Variants in NRXN3 observed in about 807,000 individuals in gnomAD.
NRXN3 encodes neurexin 3, also known as neurexin III.
In NRXN3, 32 loss-of-function variants were observed where a neutral mutation model predicts 137.6. The observed-to-expected ratio is 0.23, with a 90% CI of 0.18 to 0.31. NRXN3 has a LOEUF of 0.31. Among genes scored for constraint, NRXN3 ranks in the 10% least tolerant of loss-of-function variants. The probability of loss-of-function intolerance (pLI) is 1.00; values close to 1 mark genes in which losing one functional copy is unlikely to be tolerated. For missense variants in NRXN3, 1,574 were observed against 2,062.5 expected, an observed-to-expected ratio of 0.76 and a Z score of 4.59; for synonymous variants, 798 against 784.5, an observed-to-expected ratio of 1.02 and a Z score of -0.29.
chr14:79,688,550 C>T (rs2098704213), intron 17 of NRXN3, among the ~76,000 whole-genome samples: 1 of 152,134 alleles, frequency 6.6e-6, no homozygotes, highest in Non-Finnish European at 1.5e-5. Flanking sequence ...AATTTCGAGT[C>T]TCACCTTAAA....
chr14:78,608,894 T>A (rs752508331), intron 4 of NRXN3, among the ~76,000 whole-genome samples: 4 of 152,098 alleles, frequency 2.6e-5, no homozygotes, highest in Non-Finnish European at 5.9e-5. Context: ...TGTTGGGAAG[T>A]GTGAGTAGGA....
At chr14:79,506,594 A>G (rs2096880848) in intron 16 of NRXN3, among the ~76,000 whole-genome samples, 1 of 152,120 alleles carries the variant, frequency 6.6e-6, no homozygotes, top group Non-Finnish European at 1.5e-5. Context: ...CTCCTTTGTC[A>G]TTTTAAATTT....
intron 10 of NRXN3, among the ~76,000 whole-genome samples, chr14:78,931,371 C>T (rs1304116000): frequency 6.6e-6 from 1 of 151,884 alleles, no homozygotes; most frequent in East Asian, 1.9e-4. Flanking sequence ...GTTCTCTGTC[C>T]TTAATGATGA....
intron 15 of NRXN3, among the ~76,000 whole-genome samples, chr14:79,149,198 G>A (rs571909138): frequency 2.0e-5 from 3 of 152,186 alleles, no homozygotes; most frequent in South Asian, 2.1e-4. Context: ...GTGGGGATGC[G>A]AGGGAAGCCA....
At chr14:79,272,938 C>G (rs545525944) in intron 15 of NRXN3, among the ~76,000 whole-genome samples, 260 of 152,066 alleles carry the variant, frequency 1.7e-3, no homozygotes, top group African/African-American at 5.8e-3. Context: ...TTTGGGAGGC[C>G]AAGACGAGCG....
intron 4 of NRXN3, among the ~76,000 whole-genome samples, chr14:78,433,944 T>A (rs60830587): frequency 6.6e-6 from 1 of 151,968 alleles, no homozygotes; most frequent in Admixed American, 6.6e-5. Flanking sequence ...GACAAACCCA[T>A]GGTAAGTTGA....
At chr14:79,683,930 T>C (rs545459655) in intron 17 of NRXN3, among the ~76,000 whole-genome samples, 2 of 152,300 alleles carry the variant, frequency 1.3e-5, no homozygotes, top group Non-Finnish European at 2.9e-5. Context: ...CGTGTTTTAC[T>C]CTGTAGAATC....
intron 8 of NRXN3, among the ~76,000 whole-genome samples, chr14:78,798,356 CA>C (rs1382105441): frequency 6.6e-6 from 1 of 152,158 alleles, no homozygotes; most frequent in East Asian, 1.9e-4. Context: ...CTTAAAGTTC[CA>C]AAATGATCTC....
At chr14:79,631,567 G>A (rs1035766903) in intron 16 of NRXN3, among the ~76,000 whole-genome samples, 1 of 152,250 alleles carries the variant, frequency 6.6e-6, no homozygotes, top group Non-Finnish European at 1.5e-5. Flanking sequence ...GCTTGAAAAG[G>A]GACGAGCTCC....
intron 16 of NRXN3, among the ~76,000 whole-genome samples, chr14:79,575,125 G>A (rs779278476): frequency 2.6e-5 from 4 of 152,126 alleles, no homozygotes; most frequent in Admixed American, 2.6e-4. Context: ...CGTCTGATAA[G>A]GGAAGTATAT....
intron 10 of NRXN3, among the ~76,000 whole-genome samples, chr14:78,837,834 G>A (rs1361951992): frequency 6.6e-6 from 1 of 152,090 alleles, no homozygotes; most frequent in Non-Finnish European, 1.5e-5. Flanking sequence ...AAACATATTG[G>A]TGTAGATGCA....
intron 10 of NRXN3, among the ~76,000 whole-genome samples, chr14:78,827,333 C>G (rs1358959868): frequency 6.6e-6 from 1 of 150,676 alleles, no homozygotes; most frequent in Non-Finnish European, 1.5e-5. Context: ...ATCTTTAGTA[C>G]AATGCTGTAC....
chr14:79,604,817 A>C (rs8009763), intron 16 of NRXN3, among the ~76,000 whole-genome samples: 69,696 of 151,642 alleles, frequency 0.46, 18,069 homozygotes, highest in African/African-American at 0.72. Flanking sequence ...GGATCACTTG[A>C]GGTCAGGAGT....
At chr14:78,461,881 A>C (rs1162216718) in intron 4 of NRXN3, among the ~76,000 whole-genome samples, 1 of 152,210 alleles carries the variant, frequency 6.6e-6, no homozygotes, top group African/African-American at 2.4e-5. Context: ...TTCCTAAATA[A>C]AATGTATGCA....
chr14:79,150,832 CA>C (rs748525055), intron 15 of NRXN3, among the ~76,000 whole-genome samples: 3 of 151,788 alleles, frequency 2.0e-5, no homozygotes, highest in Non-Finnish European at 4.4e-5. Flanking sequence ...GATTTGAAAC[CA>C]ATGGTCACTT....
At chr14:79,763,514 T>C (rs150159200) in intron 19 of NRXN3, among the ~76,000 whole-genome samples, 2 of 151,734 alleles carry the variant, frequency 1.3e-5, no homozygotes, top group East Asian at 3.9e-4. Flanking sequence ...CAAAGGCAGA[T>C]AGCTATCTTA....
chr14:78,826,433 C>T (rs188406404), intron 10 of NRXN3, among the ~76,000 whole-genome samples: 52 of 152,252 alleles, frequency 3.4e-4, no homozygotes, highest in Non-Finnish European at 2.9e-5. Flanking sequence ...GTCCCTGGCT[C>T]ATGTTCCATT....
At chr14:78,912,368 T>A (rs1040437381) in intron 10 of NRXN3, among the ~76,000 whole-genome samples, 4 of 151,704 alleles carry the variant, frequency 2.6e-5, no homozygotes, top group South Asian at 2.1e-4. Context: ...AATCAGTTCT[T>A]ACTGTCAGTT....
intron 16 of NRXN3, among the ~76,000 whole-genome samples, chr14:79,619,399 G>T (rs2098197236): frequency 6.6e-6 from 1 of 151,896 alleles, no homozygotes; most frequent in East Asian, 1.9e-4. Context: ...GAGGTGTAGG[G>T]GTCCAGTTTC....
Sources: gnomAD v4.1 joint callset for allele counts (sites outside exome capture counted in the v4.1 genomes callset) on GRCh38, gnomAD v4.1.1 for gene constraint, MANE v1.5 for transcripts, NCBI Gene and HGNC (gene_info 2026-07-23, HGNC 2026-07-21) for gene names.